MCC: variants seen among roughly 807,000 people sequenced by gnomAD.
The protein encoded by MCC is MCC regulator of Wnt signaling pathway.
In MCC, 90 loss-of-function variants were observed where a neutral mutation model predicts 116.2. The observed-to-expected ratio is 0.77, with a 90% CI of 0.65 to 0.92. The LOEUF is 0.92. Ranked by LOEUF, MCC falls within the 40% of genes least tolerant of loss-of-function variation. The pLI, the probability that MCC is intolerant of heterozygous loss-of-function variation, is 0.00. For missense variants in MCC, 1,516 were observed against 1,312.2 expected, an observed-to-expected ratio of 1.16 and a Z score of -2.40; for synonymous variants, 578 against 510.5, an observed-to-expected ratio of 1.13 and a Z score of -1.78.
intron 3 of MCC, among the ~76,000 whole-genome samples, chr5:113,259,256 T>C (rs1765133725): frequency 6.6e-6 from 1 of 152,218 alleles, no homozygotes; most frequent in African/African-American, 2.4e-5. Context: ...CTCAGTCATT[T>C]GTGAGATGCC....
rs146255191 is a variant in MCC at position 113,084,325 on chromosome 5, C to T, written c.1546-135G>A. On this transcript the variant is annotated intron_variant, in intron 9 of 18. Coordinates refer to ENST00000408903, the MANE Select transcript of MCC (RefSeq NM_001085377.2). ...AAAGAACTTAAGAACAGCTCACGTC[C>T]AATTTTTCTACCACCAGCTTAAGCC... 367 of 670,626 alleles carry T rather than the reference C, an allele frequency of 5.5e-4. 4 individuals carry two copies. The East Asian group carries it at 0.01, about 18-fold the overall frequency. The allele number at this position is 670,626 out of a possible 1,614,324, so 41.5% of individuals were successfully genotyped here. A position where few individuals can be genotyped will look rare whatever the true frequency, so the allele number is the denominator to read the frequency against.
intron 3 of MCC, among the ~76,000 whole-genome samples, chr5:113,242,330 T>C (rs762525496): frequency 5.3e-4 from 80 of 152,286 alleles, no homozygotes; most frequent in Middle Eastern, 3.4e-3. Context: ...ATGTCAATGG[T>C]ATAATTCTCA....
At position 113,424,580 on chromosome 5, in the gene MCC, T is replaced by G. The variant is rs538876636; in HGVS notation, c.171-39368A>C. ...AAATACAAAAATTAGCTGGGTGTGGTGGCAGGTGTCTGTAATGCCAGCTAC... is the reference window on the plus strand; with the variant it reads ...AAATACAAAAATTAGCTGGGTGTGGGGGCAGGTGTCTGTAATGCCAGCTAC... On this transcript the variant is annotated intron_variant, in intron 1 of 18. Transcript: ENST00000408903. Among the ~76,000 whole-genome samples, 16 of 152,168 alleles carry G rather than the reference T, an allele frequency of 1.1e-4. No homozygotes were observed. The East Asian group carries it at 2.7e-3, about 26-fold the overall frequency.
intron 3 of MCC, among the ~76,000 whole-genome samples, chr5:113,312,147 T>C (rs1428911785): frequency 1.3e-5 from 2 of 150,792 alleles, no homozygotes; most frequent in Non-Finnish European, 3.0e-5. Flanking sequence ...TGTGGTAGCA[T>C]ACACCTGTGG....
At position 113,311,942 on chromosome 5, in the gene MCC, C is replaced by T. The variant is rs139066015; in HGVS notation, c.627+28577G>A. Among the ~76,000 whole-genome samples, 59 of 152,188 alleles carry T rather than the reference C, an allele frequency of 3.9e-4. 2 individuals are homozygous for T. The East Asian group carries it at 0.011, about 27-fold the overall frequency. Reference sequence around the variant, plus strand: ...CCAATATGGTGAAACGTTGTCTCTACTAAAAATACAAAAATTAGCTGGGTG... The same window carrying T: ...CCAATATGGTGAAACGTTGTCTCTATTAAAAATACAAAAATTAGCTGGGTG... On this transcript the variant is annotated intron_variant, in intron 3 of 18. Coordinates refer to ENST00000408903, the MANE Select transcript of MCC (RefSeq NM_001085377.2).
In MCC at chr5:113,022,762, C is replaced by G. The variant is rs1212347360; in HGVS notation, c.*4540G>C. 6.6e-6 allele frequency: 1 copy of G among 152,198 alleles called. No individual in the cohort carries two copies. The highest frequency in any genetic ancestry group is 1.5e-5 in the Non-Finnish European group (1 of 68,028). The allele number at this position is 152,198 out of a possible 1,614,324, so 9.4% of individuals were successfully genotyped here. On this transcript the variant is annotated 3_prime_UTR_variant, in exon 19 of 19. Transcript: ENST00000408903. ...AAATTTGTGTATAACTTGCTTTGTT[C>G]TGCTGAGCTGATATTTCACCTGATT...
intron 3 of MCC, among the ~76,000 whole-genome samples, chr5:113,241,282 TAAAG>T (rs1256552929): frequency 1.3e-5 from 2 of 152,004 alleles, no homozygotes; most frequent in Non-Finnish European, 2.9e-5. Flanking sequence ...AAATAAAAAT[TAAAG>T]AAATAGCTAA....
chr5:113,082,532 G>A (rs944367962), intron 11 of MCC, among the ~76,000 whole-genome samples: 2 of 152,228 alleles, frequency 1.3e-5, no homozygotes, highest in Non-Finnish European at 2.9e-5. Flanking sequence ...TATGTAATTT[G>A]CAAGGTCCAG....
At chr5:113,454,893 A>G (rs1771501389) in intron 1 of MCC, among the ~76,000 whole-genome samples, 1 of 152,188 alleles carries the variant, frequency 6.6e-6, no homozygotes, top group Non-Finnish European at 1.5e-5. Context: ...AAACTGAATA[A>G]TATTAAATAA....
At chr5:113,354,920 C>A (rs557162630) in intron 2 of MCC, among the ~76,000 whole-genome samples, 1 of 151,672 alleles carries the variant, frequency 6.6e-6, no homozygotes, top group Non-Finnish European at 1.5e-5. Flanking sequence ...AAAAGATAGT[C>A]TTTTTTTCTG....
intron 3 of MCC, among the ~76,000 whole-genome samples, chr5:113,204,049 T>C (rs1396929831): frequency 1.3e-5 from 2 of 152,202 alleles, no homozygotes; most frequent in Non-Finnish European, 2.9e-5. Context: ...CACTCATCTC[T>C]ATCCACAGCC....
At chr5:113,229,266 C>T (rs1043978811) in intron 3 of MCC, among the ~76,000 whole-genome samples, 1 of 152,306 alleles carries the variant, frequency 6.6e-6, no homozygotes, top group Admixed American at 6.5e-5. Context: ...CACACTGTTA[C>T]ACCTGAACTA....
intron 3 of MCC, among the ~76,000 whole-genome samples, chr5:113,167,379 C>A (rs940537037): frequency 6.6e-6 from 1 of 152,158 alleles, no homozygotes; most frequent in African/African-American, 2.4e-5. Context: ...GGAGCTATGG[C>A]ATTTACACAC....
intron 1 of MCC, among the ~76,000 whole-genome samples, chr5:113,475,039 G>A (rs146266941): frequency 1.7e-3 from 253 of 152,260 alleles, no homozygotes; most frequent in African/African-American, 5.8e-3. Context: ...CAGCCACATC[G>A]TTATGAAAAT....
intron 3 of MCC, among the ~76,000 whole-genome samples, chr5:113,272,441 G>C (rs1331256494): frequency 1.3e-5 from 2 of 152,022 alleles, no homozygotes; most frequent in African/African-American, 2.4e-5. Context: ...CTCTTTCCCT[G>C]ACAGATCTAA....
intron 3 of MCC, among the ~76,000 whole-genome samples, chr5:113,169,607 T>G (rs1207865171): frequency 1.3e-5 from 2 of 152,130 alleles, no homozygotes; most frequent in African/African-American, 2.4e-5. Context: ...AGGGGGTTAA[T>G]GTACAAATTC....
At chr5:113,479,424 G>A (rs1440479510) in intron 1 of MCC, among the ~76,000 whole-genome samples, 1 of 152,116 alleles carries the variant, frequency 6.6e-6, no homozygotes, top group Admixed American at 6.5e-5. Flanking sequence ...AAAACTCATT[G>A]AAATATACAC....
chr5:113,465,689 A>C (rs1169468538), intron 1 of MCC, among the ~76,000 whole-genome samples: 3 of 152,226 alleles, frequency 2.0e-5, no homozygotes, highest in African/African-American at 7.2e-5. Flanking sequence ...TTCCTAACAG[A>C]AGAAAGTGAG....
At chr5:113,160,925 T>C (rs1443687) in intron 3 of MCC, among the ~76,000 whole-genome samples, 84,205 of 151,992 alleles carry the variant, frequency 0.55, 25,450 homozygotes, top group Non-Finnish European at 0.67. Context: ...CTAACTTTGC[T>C]GCTTAAAGAC....
Sources: gnomAD v4.1 joint callset for allele counts (sites outside exome capture counted in the v4.1 genomes callset) on GRCh38, gnomAD v4.1.1 for gene constraint, MANE v1.5 for transcripts, NCBI Gene and HGNC (gene_info 2026-07-23, HGNC 2026-07-21) for gene names.